TAOK1: variants seen among roughly 807,000 people sequenced by gnomAD.
TAOK1 encodes the protein serine/threonine-protein kinase TAO1.
Under a neutral mutation model 138.3 loss-of-function variants are expected in TAOK1, and 21 were observed. The ratio of observed to expected loss-of-function variants is 0.15; its 90% CI spans 0.11 to 0.22. The LOEUF is 0.22. Among genes scored for constraint, TAOK1 ranks in the 10% least tolerant of loss-of-function variants. TAOK1 has a pLI of 1.00. For missense variants in TAOK1, 651 were observed against 1,227.7 expected, an observed-to-expected ratio of 0.53 and a Z score of 7.02; for synonymous variants, 361 against 398.4, an observed-to-expected ratio of 0.91 and a Z score of 1.12.
rs955225758 is a variant in TAOK1, at chr17:29,522,514, T to C, written c.2143T>C (p.Leu715=). 2 of 1,613,954 alleles carry C rather than the reference T, an allele frequency of 1.2e-6. No homozygotes were observed. Among genetic ancestry groups the C allele is most frequent in the Non-Finnish European group, 1.7e-6 (2 of 1,180,030 alleles). ...GGAAGTTCGACAACAGCCTAAGAGT[T>C]TGAAGGTATGGTTAGCCTAAGCTTT... is the stretch of plus-strand genomic sequence containing the variant. The part of the protein sequence containing the change: ...VMEVRQQPKS[L]KSKELQIKKQ... The change falls in exon 17 of 20, where the codon TTG becomes CTG. Residue 715 remains leucine, a synonymous_variant. Transcript: ENST00000261716.
At chr17:29,414,932 G>A (rs1905232951) in intron 1 of TAOK1, among the ~76,000 whole-genome samples, 1 of 151,960 alleles carries the variant, frequency 6.6e-6, no homozygotes, top group Admixed American at 6.6e-5. Flanking sequence ...CCATTGATTT[G>A]TCGATGGACA....
intron 19 of TAOK1, among the ~76,000 whole-genome samples, chr17:29,540,218 GA>G (rs1182418407): frequency 6.6e-6 from 1 of 152,180 alleles, no homozygotes; most frequent in Admixed American, 6.5e-5. Flanking sequence ...AAGGTTGAAG[GA>G]GGACTTAAAC....
intron 13 of TAOK1, among the ~76,000 whole-genome samples, chr17:29,503,820 C>A (rs562940707): frequency 1.3e-5 from 2 of 151,884 alleles, no homozygotes; most frequent in Admixed American, 1.3e-4. Context: ...ACAAAAAATA[C>A]AAAATTCAGG....
At chr17:29,484,153 A>G (rs2031120298) in intron 8 of TAOK1, among the ~76,000 whole-genome samples, 1 of 152,172 alleles carries the variant, frequency 6.6e-6, no homozygotes, top group Non-Finnish European at 1.5e-5. Flanking sequence ...TTTTTATTCT[A>G]CTTCATAAAA....
Position 29,546,620 on chromosome 17 carries a change from T to C in TAOK1, c.*3598T>C, listed in dbSNP as rs1034182587. 1.3e-5 allele frequency: 2 copies of C among 152,072 alleles called. No individual in the cohort carries two copies. The highest frequency in any genetic ancestry group is 4.8e-5 in the African/African-American group (2 of 41,436). 9.4% of individuals were successfully genotyped at this position (152,072 alleles called of 1,614,324 possible). The stretch of plus-strand genomic sequence containing the variant: ...GTGCCATTCACTAGTGGAAATAAAT[T>C]GTATTATACCATGATCTACTGGCTT... On this transcript the variant is annotated 3_prime_UTR_variant, in exon 20 of 20. Coordinates refer to ENST00000261716, the MANE Select transcript of TAOK1 (RefSeq NM_020791.4).
At chr17:29,454,505 G>A (rs2030325328) in intron 2 of TAOK1, among the ~76,000 whole-genome samples, 1 of 151,600 alleles carries the variant, frequency 6.6e-6, no homozygotes, top group African/African-American at 2.4e-5. Flanking sequence ...ATTTTGATAG[G>A]GATTGTGTTG....
intron 2 of TAOK1, among the ~76,000 whole-genome samples, chr17:29,453,807 T>TG (rs1363225737): frequency 1.4e-5 from 2 of 147,898 alleles, no homozygotes; most frequent in African/African-American, 2.5e-5. Flanking sequence ...TTAGGTTTTT[T>TG]TGTTTTTTTT....
intron 4 of TAOK1, among the ~76,000 whole-genome samples, chr17:29,476,734 A>G (rs747685689): frequency 2.0e-5 from 3 of 152,168 alleles, no homozygotes; most frequent in Non-Finnish European, 2.9e-5. Flanking sequence ...TATTTTTTCA[A>G]TCATCTGTAG....
At chr17:29,520,260 G>C (rs1384400269) in intron 16 of TAOK1, among the ~76,000 whole-genome samples, 1 of 151,704 alleles carries the variant, frequency 6.6e-6, no homozygotes, top group Non-Finnish European at 1.5e-5. Flanking sequence ...GAATTAAGGC[G>C]TCACAAAGCA....
intron 2 of TAOK1, among the ~76,000 whole-genome samples, chr17:29,456,568 A>C (rs1429318312): frequency 6.7e-6 from 1 of 150,312 alleles, no homozygotes; most frequent in Non-Finnish European, 1.5e-5. Context: ...TGCTTGTTGG[A>C]GCATTTCAGA....
chr17:29,427,541 A>AG (rs1905681935), intron 1 of TAOK1, among the ~76,000 whole-genome samples: 1 of 151,792 alleles, frequency 6.6e-6, no homozygotes, highest in African/African-American at 2.4e-5. Flanking sequence ...AAAAAAAAAA[A>AG]AAAGAAAGAA....
intron 1 of TAOK1, among the ~76,000 whole-genome samples, chr17:29,402,519 G>A (rs2153020236): frequency 6.6e-6 from 1 of 152,086 alleles, no homozygotes; most frequent in Admixed American, 6.6e-5. Context: ...TGCCCAAGCT[G>A]GTCTCGAACT....
intron 8 of TAOK1, among the ~76,000 whole-genome samples, chr17:29,488,808 G>A (rs2031235118): frequency 6.6e-6 from 1 of 151,748 alleles, no homozygotes; most frequent in Non-Finnish European, 1.5e-5. Flanking sequence ...ATAAGCAGAA[G>A]GTAGAGGATA....
Position 29,391,029 on chromosome 17 carries a change from G to C in TAOK1, c.-95+5G>C, listed in dbSNP as rs981044765. On this transcript the variant is annotated splice_donor_5th_base_variant and intron_variant, in intron 1 of 19. Coordinates refer to ENST00000261716, the MANE Select transcript of TAOK1 (RefSeq NM_020791.4). ...CCCAGACCTGTCGGCGAAAGGGTAA[G>C]GGCACCTCTGCTTTGGGAAAGGGGG... 1 of 152,634 alleles carries C rather than the reference G, an allele frequency of 6.6e-6. No homozygotes were observed. The highest frequency in any genetic ancestry group is 2.4e-5 in the African/African-American group (1 of 41,442). 9.5% of individuals were successfully genotyped at this position (152,634 alleles called of 1,614,324 possible). A position where few individuals can be genotyped will look rare whatever the true frequency, so the allele number is the denominator to read the frequency against.
At chr17:29,518,750 C>CTTTTATTTTATATATTTA in intron 16 of TAOK1, among the ~76,000 whole-genome samples, 1 of 150,500 alleles carries the variant, frequency 6.6e-6, no homozygotes, top group African/African-American at 2.4e-5. Flanking sequence ...TTTATTTTTA[C>CTTTTATTTTATATATTTA]TTTATCTATT....
chr17:29,457,628 A>C (rs2030421131), intron 2 of TAOK1, among the ~76,000 whole-genome samples: 2 of 145,840 alleles, frequency 1.4e-5, no homozygotes, highest in Non-Finnish European at 3.0e-5. Context: ...CTGGTCTTGA[A>C]CTCCTAACCT....
At position 29,469,406 on chromosome 17, in the gene TAOK1, TTA is replaced by T. The variant is rs1353849504; in HGVS notation, c.204+2192_204+2193del. On this transcript the variant is annotated intron_variant, in intron 3 of 19. Coordinates refer to ENST00000261716, the MANE Select transcript of TAOK1 (RefSeq NM_020791.4). ...TAAGTGCATTCACGTTGTGCAACCA[TTA>T]TCACCATGCGTCTCTAGAATTCTTT... Among the ~76,000 whole-genome samples the T allele has an allele frequency of 2.0e-5, 3 of 152,194 alleles. No individual in the cohort carries two copies. In the East Asian group the frequency reaches 5.8e-4, roughly 29 times the overall value.
At chr17:29,462,363 C>G (rs151153674) in intron 2 of TAOK1, among the ~76,000 whole-genome samples, 1,633 of 152,198 alleles carry the variant, frequency 0.011, 35 homozygotes, top group African/African-American at 0.037. Context: ...GTTTCCAACA[C>G]CTTAAATAGA....
chr17:29,423,323 C>CA (rs1762212063), intron 1 of TAOK1, among the ~76,000 whole-genome samples: 1 of 151,180 alleles, frequency 6.6e-6, no homozygotes, highest in Non-Finnish European at 1.5e-5. Flanking sequence ...GGGTTCACGC[C>CA]ATTCTGCTCA....
Sources: gnomAD v4.1 joint callset for allele counts (sites outside exome capture counted in the v4.1 genomes callset) on GRCh38, gnomAD v4.1.1 for gene constraint, MANE v1.5 for transcripts, NCBI Gene and HGNC (gene_info 2026-07-23, HGNC 2026-07-21) for gene names.